Variants in SETX observed in about 807,000 individuals in gnomAD.
The protein encoded by SETX is helicase senataxin.
Under a neutral mutation model 227.2 loss-of-function variants are expected in SETX, and 90 were observed. That is an observed-to-expected ratio of 0.40 (90% CI 0.33 to 0.47). The LOEUF (loss-of-function observed/expected upper bound fraction) is 0.47, where lower values mean the gene tolerates loss of function less well. Among genes scored for constraint, SETX ranks in the 20% least tolerant of loss-of-function variants. SETX has a pLI of 0.91. For synonymous variants in SETX, 1,210 were observed against 1,113.2 expected (o/e 1.09, Z -1.73); for missense variants, 3,052 against 3,181.5 (o/e 0.96, Z 0.98).
At chr9:132,320,902 A>G (rs1432225332) in intron 10 of SETX, among the ~76,000 whole-genome samples, 2 of 152,238 alleles carry the variant, frequency 1.3e-5, no homozygotes, top group Admixed American at 6.5e-5. Context: ...AGCAAGCCCA[A>G]GAACGTGAAC....
intron 10 of SETX, 112 bp downstream of exon 10, chr9:132,326,212 G>T: frequency 1.2e-6 from 1 of 817,842 alleles, no homozygotes. Flanking sequence ...GATTACAGGT[G>T]CCCGCAACCA....
intron 10 of SETX, among the ~76,000 whole-genome samples, chr9:132,323,450 G>T (rs980702574): frequency 6.6e-5 from 10 of 152,124 alleles, no homozygotes; most frequent in African/African-American, 2.2e-4. Context: ...AACAAAAATG[G>T]ATCTAAAAAT....
intron 3 of SETX, among the ~76,000 whole-genome samples, chr9:132,348,362 C>CAAA (rs1343590099): frequency 2.6e-4 from 3 of 11,636 alleles, no homozygotes; most frequent in East Asian, 3.1e-3. Context: ...GACTCTGTCT[C>CAAA]AAAAAAAAAA....
At chr9:132,325,500 C>A (rs576877816) in intron 10 of SETX, among the ~76,000 whole-genome samples, 1 of 152,334 alleles carries the variant, frequency 6.6e-6, no homozygotes, top group African/African-American at 2.4e-5. Flanking sequence ...TACTTAAAAA[C>A]AAAACAAATG....
At chr9:132,269,529 C>A (rs1842797171) in intron 25 of SETX, 86 bp downstream of exon 25, 1 of 1,607,336 alleles carries the variant, frequency 6.2e-7, no homozygotes, top group African/African-American at 1.3e-5. Flanking sequence ...ATCCAGAAAT[C>A]ATTTACACTT....
Position 132,326,585 on chromosome 9 carries a change from A to G in SETX, c.5013T>C (p.Gly1671=). The G allele has an allele frequency of 6.2e-7, 1 of 1,614,212 alleles. No individual in the cohort carries two copies. The highest frequency in any genetic ancestry group is 8.5e-7 in the Non-Finnish European group (1 of 1,180,046). The change falls in exon 10 of 26, where the codon GGT becomes GGC. Residue 1671 remains glycine, a synonymous_variant. Coordinates refer to ENST00000224140, the MANE Select transcript of SETX (RefSeq NM_015046.7). The part of the protein sequence containing the change: ...PQSPNNSNRQ[G]CKVPFGESKY... ...TGCTTTCACCAAATGGAACTTTGCA[A>G]CCTTGCCTGTTGGAATTATTCGGAG...
chr9:132,327,403 T>C lies in SETX; in HGVS notation c.4195A>G (p.Thr1399Ala), dbSNP rs1427868405. 1.9e-6 allele frequency: 3 copies of C among 1,614,106 alleles called. No homozygotes were observed. Among genetic ancestry groups the C allele is most frequent in the Non-Finnish European group, 2.5e-6 (3 of 1,180,024 alleles). Reference sequence around the variant, plus strand: ...TTGGCAAGTACCTCAGTTCCTCCTGTACAATTATAATCTGACCTATCAGAT... The same window carrying C: ...TTGGCAAGTACCTCAGTTCCTCCTGCACAATTATAATCTGACCTATCAGAT... ...PESDRSDYNCTGGTEVLANSN... is the reference protein window; with the variant it reads ...PESDRSDYNCAGGTEVLANSN... Residue 1399 changes from threonine to alanine, a missense_variant, in exon 10 of 26, where the codon ACA becomes GCA. Thr to Ala is a moderately conservative substitution (Grantham distance 58). Around this residue, in one of 10 missense-constraint regions of SETX, gnomAD observed 1,483 missense variants for 1,312.0 expected, o/e 1.13. Transcript: ENST00000224140.
chr9:132,287,515 C>T (rs942647030), intron 17 of SETX, among the ~76,000 whole-genome samples: 2 of 151,852 alleles, frequency 1.3e-5, no homozygotes, highest in African/African-American at 2.4e-5. Context: ...AACGCAACAC[C>T]CCATCTATTT....
In SETX at chr9:132,328,134, A is replaced by G. The variant is rs772466238; in HGVS notation, c.3464T>C (p.Ile1155Thr). The change falls in exon 10 of 26, where the codon ATT becomes ACT. Residue 1155 changes from isoleucine (I) to threonine (T), a missense_variant. Ile to Thr is a moderately conservative substitution (Grantham distance 89). Around this residue, in one of 10 missense-constraint regions of SETX, gnomAD observed 1,483 missense variants for 1,312.0 expected, o/e 1.13. Transcript: ENST00000224140. The stretch of plus-strand genomic sequence containing the variant: ...TTTTCTCTTAGGCTTTTTTACTTCA[A>G]TTTCACAAAATTCTTCAACAGAAAT... ...RSISVEEFCE[I>T]EVKKPKRKRS... 1.9e-6 allele frequency: 3 copies of G among 1,613,958 alleles called. No homozygotes were observed. Among genetic ancestry groups the G allele is most frequent in the Middle Eastern group, 3.3e-4 (2 of 6,062 alleles).
In SETX at chr9:132,349,450, G is replaced by T; in HGVS notation, c.-7-15C>A. ...TCATTCTGTACCTACAGCCAGAAAA[G>T]ATGACATCAAGAAGAAAACCAACTT... is the stretch of plus-strand genomic sequence containing the variant. On this transcript the variant is annotated splice_polypyrimidine_tract_variant and intron_variant, in intron 2 of 25. Transcript: ENST00000224140. 1.9e-6 allele frequency: 3 copies of T among 1,613,972 alleles called. No individual in the cohort carries two copies. The East Asian group carries it at 6.7e-5, about 36-fold the overall frequency.
chr9:132,320,832 G>A (rs140748369), intron 10 of SETX, among the ~76,000 whole-genome samples: 3 of 152,218 alleles, frequency 2.0e-5, no homozygotes, highest in Non-Finnish European at 2.9e-5. Flanking sequence ...GGACAGAAGA[G>A]GAGACAACAG....
chr9:132,347,091 C>A (rs979057324), intron 3 of SETX, among the ~76,000 whole-genome samples: 8 of 151,400 alleles, frequency 5.3e-5, no homozygotes, highest in Non-Finnish European at 1.2e-4. Flanking sequence ...CTCGTCTCTA[C>A]TAAAAATACA....
intron 19 of SETX, 128 bp downstream of exon 19, chr9:132,283,136 G>T: frequency 8.8e-7 from 1 of 1,141,914 alleles, no homozygotes. Context: ...GAATACACAG[G>T]TAATAGCAAG....
At chr9:132,296,099 A>G (rs979593530) in intron 14 of SETX, 71 bp from the exon 15 acceptor site, 3 of 1,570,158 alleles carry the variant, frequency 1.9e-6, no homozygotes, top group African/African-American at 2.7e-5. Flanking sequence ...ACATAGCTTT[A>G]AAGTTTGTCT....
At chr9:132,299,683 T>C (rs369253838) in intron 12 of SETX, among the ~76,000 whole-genome samples, 1 of 152,224 alleles carries the variant, frequency 6.6e-6, no homozygotes, top group South Asian at 2.1e-4. Flanking sequence ...AATGTGGACT[T>C]TGCAGTCAAC....
At chr9:132,287,425 G>C (rs962065321) in intron 17 of SETX, among the ~76,000 whole-genome samples, 5 of 152,196 alleles carry the variant, frequency 3.3e-5, no homozygotes, top group Non-Finnish European at 7.3e-5. Flanking sequence ...CCAAGAGCTT[G>C]AGGCTAAATT....
At chr9:132,313,863 G>A (rs1466647379) in intron 10 of SETX, among the ~76,000 whole-genome samples, 2 of 150,282 alleles carry the variant, frequency 1.3e-5, no homozygotes, top group South Asian at 2.1e-4. Context: ...CAAGCTCCCT[G>A]AACATAAGAA....
Position 132,351,345 on chromosome 9 carries a change from C to G in SETX, c.-7-1910G>C, listed in dbSNP as rs570959503. Among the ~76,000 whole-genome samples, 15 of 152,270 alleles carry G rather than the reference C, an allele frequency of 9.9e-5. No individual in the cohort carries two copies. The South Asian group carries it at 2.9e-3, about 29-fold the overall frequency. On this transcript the variant is annotated intron_variant, in intron 2 of 25. Coordinates refer to ENST00000224140, the MANE Select transcript of SETX (RefSeq NM_015046.7). ...ATAAAATGTTGCATACTTCTTTTCC[C>G]ACTTACCTTACTTGAAGCTCCAAAT...
chr9:132,290,452 G>A (rs1367463087), intron 15 of SETX, among the ~76,000 whole-genome samples: 1 of 151,652 alleles, frequency 6.6e-6, no homozygotes, highest in Non-Finnish European at 1.5e-5. Context: ...GCACATGCCT[G>A]TAATCCTAGC....
Sources: allele counts gnomAD v4.1 joint callset (sites outside exome capture counted in the v4.1 genomes callset), GRCh38; gene constraint gnomAD v4.1.1; regional missense constraint gnomAD v4.1.1; transcripts MANE v1.5; gene names NCBI Gene and HGNC (gene_info 2026-07-23, HGNC 2026-07-21).